Variants in NTNG2 observed in about 807,000 individuals in gnomAD.
NTNG2 encodes netrin-G2.
A neutral mutation model predicts 47.6 loss-of-function variants in NTNG2; 15 were observed. The ratio of observed to expected loss-of-function variants is 0.32; its 90% CI spans 0.21 to 0.49. The LOEUF (loss-of-function observed/expected upper bound fraction) is 0.49, where lower values mean the gene tolerates loss of function less well. Ranked by LOEUF, NTNG2 falls within the 20% of genes least tolerant of loss-of-function variation. NTNG2 has a pLI of 0.99. For synonymous variants in NTNG2, 307 were observed against 324.6 expected (o/e 0.95, Z 0.58); for missense variants, 578 against 764.6 (o/e 0.76, Z 2.88).
In NTNG2 at chr9:132,168,236, C is replaced by T. The variant is rs183317108; in HGVS notation, c.213+1192C>T. ...AGCTGCTTCCCACTGGGCAGTGCTCCGGAGGCCGTCCCTGGCAGGGCAGGG... is the reference window on the plus strand; with the variant it reads ...AGCTGCTTCCCACTGGGCAGTGCTCTGGAGGCCGTCCCTGGCAGGGCAGGG... On this transcript the variant is annotated intron_variant, in intron 2 of 7. Coordinates refer to ENST00000393229, the MANE Select transcript of NTNG2 (RefSeq NM_032536.4). Among the ~76,000 whole-genome samples, 326 of 152,302 alleles carry T rather than the reference C, an allele frequency of 2.1e-3. 4 individuals are homozygous for T. The highest frequency in any genetic ancestry group is 5.4e-4 in the Non-Finnish European group (37 of 68,012).
intron 5 of NTNG2, among the ~76,000 whole-genome samples, chr9:132,235,705 C>T (rs745623926): frequency 1.3e-5 from 2 of 152,202 alleles, no homozygotes; most frequent in Admixed American, 6.5e-5. Flanking sequence ...TCCCAGGTGG[C>T]CTCCCGTGCA....
At chr9:132,161,911 G>T (rs1011528799), upstream of NTNG2, 5 of 150,940 alleles carry the variant, frequency 3.3e-5, no homozygotes, top group African/African-American at 1.2e-4. The surrounding 1 kb of genome is among the most constrained non-coding windows in gnomAD (Gnocchi z 7.2). Context: ...CCGCCCAGGG[G>T]GGCCAAAAAG....
intron 3 of NTNG2, among the ~76,000 whole-genome samples, chr9:132,212,363 G>T (rs1210935627): frequency 4.6e-5 from 7 of 152,218 alleles, no homozygotes; most frequent in South Asian, 2.1e-4. Flanking sequence ...GTGCAAGGAA[G>T]CTGCCTCTGG....
At chr9:132,186,336 C>T (rs1282632456) in intron 2 of NTNG2, among the ~76,000 whole-genome samples, 2 of 152,232 alleles carry the variant, frequency 1.3e-5, no homozygotes, top group African/African-American at 4.8e-5. Context: ...TCCTGGAAAT[C>T]TGGCTGTGGG....
chr9:132,211,738 C>G (rs1839604132), intron 3 of NTNG2, among the ~76,000 whole-genome samples: 1 of 152,184 alleles, frequency 6.6e-6, no homozygotes, highest in Non-Finnish European at 1.5e-5. Context: ...CCTTCTCCAG[C>G]CTTGGCGGCT....
chr9:132,194,876 C>T (rs1320725822), intron 2 of NTNG2, among the ~76,000 whole-genome samples: 1 of 152,254 alleles, frequency 6.6e-6, no homozygotes, highest in Non-Finnish European at 1.5e-5. Flanking sequence ...GCTGCAGTGG[C>T]ACCTGGTGGG....
rs67661079 is a variant in NTNG2, at chr9:132,174,326, G to A, written c.213+7282G>A. On this transcript the variant is annotated intron_variant, in intron 2 of 7. Transcript: ENST00000393229. ...CTGCGGATGAGACGGACGGACGGAC[G>A]GACAGACAGACAGGTCGAACCATGC... 6.6e-3 allele frequency among the ~76,000 whole-genome samples: 791 copies of A among 120,368 alleles called. 11 individuals are homozygous for A. The highest frequency in any genetic ancestry group is 0.011 in the South Asian group (38 of 3,550). 79.0% of individuals were successfully genotyped at this position (120,368 alleles called of 152,430 possible). A position where few individuals can be genotyped will look rare whatever the true frequency, so the allele number is the denominator to read the frequency against.
intron 2 of NTNG2, among the ~76,000 whole-genome samples, chr9:132,181,366 G>A (rs1333792554): frequency 6.6e-6 from 1 of 150,742 alleles, no homozygotes; most frequent in African/African-American, 2.4e-5. Flanking sequence ...TGTCACCCAG[G>A]CTGGAGGGCA....
chr9:132,217,059 G>T (rs1840041898), intron 3 of NTNG2, among the ~76,000 whole-genome samples: 1 of 152,200 alleles, frequency 6.6e-6, no homozygotes. Flanking sequence ...TCCAGCTCTA[G>T]TGCCATGCAG....
chr9:132,210,430 C>G (rs1298891829), intron 3 of NTNG2, among the ~76,000 whole-genome samples: 5 of 152,178 alleles, frequency 3.3e-5, no homozygotes, highest in African/African-American at 9.7e-5. Flanking sequence ...AATTCCTTGG[C>G]TTTATCTCCA....
intron 3 of NTNG2, among the ~76,000 whole-genome samples, chr9:132,219,075 G>A (rs1478189596): frequency 1.3e-5 from 2 of 152,072 alleles, no homozygotes; most frequent in African/African-American, 2.4e-5. Context: ...ACTCTGGCCG[G>A]GTGTGGTGGC....
chr9:132,178,107 G>A (rs972651067), intron 2 of NTNG2, among the ~76,000 whole-genome samples: 1 of 152,202 alleles, frequency 6.6e-6, no homozygotes, highest in Admixed American at 6.5e-5. Flanking sequence ...TGAAGTCAAG[G>A]CTCAAACTCA....
At chr9:132,200,589 G>C (rs1011844302) in intron 3 of NTNG2, among the ~76,000 whole-genome samples, 1 of 152,222 alleles carries the variant, frequency 6.6e-6, no homozygotes, top group African/African-American at 2.4e-5. Context: ...CCGTGAGGCT[G>C]GGCAGGCCGC....
intron 2 of NTNG2, among the ~76,000 whole-genome samples, chr9:132,175,882 T>C (rs1342307255): frequency 6.6e-6 from 1 of 152,156 alleles, no homozygotes; most frequent in Admixed American, 6.5e-5. Flanking sequence ...TCTGGGAGTT[T>C]AGGGAAATCC....
rs2131366427 is a variant in NTNG2 at position 132,182,552 on chromosome 9, C to A, written c.214-15414C>A. On this transcript the variant is annotated intron_variant, in intron 2 of 7. Coordinates refer to ENST00000393229, the MANE Select transcript of NTNG2 (RefSeq NM_032536.4). The surrounding 1 kb of genome is among the most constrained non-coding windows in gnomAD (Gnocchi z 4.2). ...CCCACCCAGGGGGTCCTGGAGGCAG[C>A]AGCCACGACCTTGGGTGGACGCTGC... Among the ~76,000 whole-genome samples, 1 of 152,340 alleles carries A rather than the reference C, an allele frequency of 6.6e-6. No homozygotes were observed. Among genetic ancestry groups the A allele is most frequent in the Non-Finnish European group, 1.5e-5 (1 of 68,028 alleles).
intron 2 of NTNG2, among the ~76,000 whole-genome samples, chr9:132,181,960 C>CTGTG (rs150723669): frequency 2.0e-5 from 3 of 151,710 alleles, no homozygotes; most frequent in Non-Finnish European, 2.9e-5. Context: ...CGGCTGTCAT[C>CTGTG]TGTGTGTGTG....
At chr9:132,230,704 C>A in intron 5 of NTNG2, 109 bp downstream of exon 5, 1 of 1,186,038 alleles carries the variant, frequency 8.4e-7, no homozygotes, top group Non-Finnish European at 1.2e-6. Flanking sequence ...CCCTCTGGGA[C>A]TTGGGCCTAT....
chr9:132,207,694 G>A (rs181244394), intron 3 of NTNG2, among the ~76,000 whole-genome samples: 27 of 152,282 alleles, frequency 1.8e-4, no homozygotes, highest in African/African-American at 5.5e-4. Context: ...TGACATGCTG[G>A]ACACAAGCAG....
At chr9:132,193,872 C>G (rs1447558259) in intron 2 of NTNG2, among the ~76,000 whole-genome samples, 1 of 152,138 alleles carries the variant, frequency 6.6e-6, no homozygotes, top group Non-Finnish European at 1.5e-5. Flanking sequence ...TCTGGAGAGG[C>G]CTCTCTCCCT....
Sources: gnomAD v4.1 joint callset for allele counts (sites outside exome capture counted in the v4.1 genomes callset) on GRCh38, gnomAD v4.1.1 for gene constraint, Gnocchi (gnomAD v3.1) non-coding constraint, MANE v1.5 for transcripts, NCBI Gene and HGNC (gene_info 2026-07-23, HGNC 2026-07-21) for gene names.